Variants in TXNDC12 observed in about 807,000 individuals in gnomAD.
TXNDC12 encodes thioredoxin domain containing 12.
In TXNDC12, 22 loss-of-function variants were observed where a neutral mutation model predicts 24.2. The ratio of observed to expected loss-of-function variants is 0.91; its 90% CI spans 0.65 to 1.30. The LOEUF is 1.30. Ranked by LOEUF, TXNDC12 falls within the 50% of genes most tolerant of loss-of-function variation. The pLI, the probability that TXNDC12 is intolerant of heterozygous loss-of-function variation, is 0.00. For synonymous variants in TXNDC12, 58 were observed against 73.4 expected, an observed-to-expected ratio of 0.79 and a Z score of 1.07; for missense variants, 184 against 205.8, an observed-to-expected ratio of 0.89 and a Z score of 0.65.
At chr1:52,037,207 CT>C (rs34590025) in intron 2 of TXNDC12, among the ~76,000 whole-genome samples, 1,954 of 123,526 alleles carry the variant, frequency 0.016, 15 homozygotes, top group African/African-American at 0.044. Flanking sequence ...AATAGACCAC[CT>C]TTTTTTTTTT....
chr1:52,027,875 C>T (rs1685696413), intron 3 of TXNDC12, among the ~76,000 whole-genome samples: 2 of 151,864 alleles, frequency 1.3e-5, no homozygotes, highest in East Asian at 1.9e-4. Flanking sequence ...CTCTGTCACC[C>T]AGGCTGGAGT....
At chr1:52,022,731 C>T (rs948934944) in intron 6 of TXNDC12, among the ~76,000 whole-genome samples, 15 of 149,940 alleles carry the variant, frequency 1.0e-4, no homozygotes, top group African/African-American at 3.7e-4. Context: ...ACCTCTGCCT[C>T]TCGGGTTCAC....
chr1:52,025,570 AC>A (rs1333596861), intron 4 of TXNDC12, among the ~76,000 whole-genome samples: 1 of 152,130 alleles, frequency 6.6e-6, no homozygotes, highest in African/African-American at 2.4e-5. Context: ...CTCTATGAAG[AC>A]GTTTTTACTG....
At chr1:52,050,218 G>T (rs1467415677) in intron 1 of TXNDC12, among the ~76,000 whole-genome samples, 1 of 152,102 alleles carries the variant, frequency 6.6e-6, no homozygotes, top group African/African-American at 2.4e-5. Context: ...TGGGCCTTTT[G>T]TTTCCCTCTC....
intron 3 of TXNDC12, among the ~76,000 whole-genome samples, chr1:52,027,700 ATATG>A (rs1463540823): frequency 1.3e-5 from 2 of 151,248 alleles, no homozygotes; most frequent in East Asian, 3.9e-4. Context: ...CCACACGTGT[ATATG>A]TGTGTGTATA....
At chr1:52,022,065 C>A (rs1268888694) in intron 6 of TXNDC12, among the ~76,000 whole-genome samples, 1 of 152,148 alleles carries the variant, frequency 6.6e-6, no homozygotes, top group Non-Finnish European at 1.5e-5. Context: ...CCTTTGATAC[C>A]AATCTCCAGT....
intron 2 of TXNDC12, among the ~76,000 whole-genome samples, chr1:52,036,433 C>T (rs1034273281): frequency 3.0e-4 from 45 of 152,200 alleles, no homozygotes; most frequent in African/African-American, 1.0e-3. Context: ...TGTCTTCACA[C>T]TGAGTAGGCT....
chr1:52,046,864 AAAATATAT>A lies in TXNDC12; in HGVS notation c.98-5275_98-5268del, dbSNP rs1464988487. On this transcript the variant is annotated intron_variant, in intron 1 of 6. Coordinates refer to ENST00000371626, the MANE Select transcript of TXNDC12 (RefSeq NM_015913.4). ...AACCCCATCTCTACTAAAAAAAAAA[AAAATATAT>A]ATATATATATATATATATATATTAG... Among the ~76,000 whole-genome samples, 255 of 34,172 alleles carry A rather than the reference AAAATATAT, an allele frequency of 7.5e-3. 3 individuals are homozygous for A. Among genetic ancestry groups the A allele is most frequent in the African/African-American group, 0.016 (209 of 13,450 alleles). The allele number at this position is 34,172 out of a possible 152,430, so 22.4% of individuals were successfully genotyped here.
intron 2 of TXNDC12, among the ~76,000 whole-genome samples, chr1:52,041,314 G>A (rs578088352): frequency 1.3e-5 from 2 of 150,652 alleles, no homozygotes; most frequent in Admixed American, 6.6e-5. Context: ...GCCTGGGCGA[G>A]AGAGTGAGAC....
At chr1:52,054,224 A>G (rs1341962764) in intron 1 of TXNDC12, among the ~76,000 whole-genome samples, 2 of 152,058 alleles carry the variant, frequency 1.3e-5, no homozygotes, top group Non-Finnish European at 2.9e-5. Context: ...GTGAAAAAAA[A>G]AAAAGGAAGA....
intron 3 of TXNDC12, among the ~76,000 whole-genome samples, chr1:52,027,744 T>A (rs994301565): frequency 2.0e-5 from 3 of 149,200 alleles, no homozygotes; most frequent in Non-Finnish European, 4.5e-5. Flanking sequence ...ATATGTTATA[T>A]ATACATATAT....
At chr1:52,047,222 T>A (rs938599047) in intron 1 of TXNDC12, among the ~76,000 whole-genome samples, 1 of 152,102 alleles carries the variant, frequency 6.6e-6, no homozygotes, top group Non-Finnish European at 1.5e-5. Flanking sequence ...TTGCTAGGAA[T>A]AATGATGGTT....
chr1:52,055,021 C>A lies in TXNDC12; in HGVS notation c.76G>T (p.Gly26Ter), dbSNP rs745396636. 9.3e-6 allele frequency: 15 copies of A among 1,613,784 alleles called. No homozygotes were observed. Among genetic ancestry groups the A allele is most frequent in the Non-Finnish European group, 1.3e-5 (15 of 1,179,872 alleles). Residue 26 changes from glycine to a stop codon, truncating the protein, a stop_gained, in exon 1 of 7, where the codon GGA (glycine) becomes TGA (stop). Coordinates refer to ENST00000371626, the MANE Select transcript of TXNDC12 (RefSeq NM_015913.4). LOFTEE classifies it high-confidence loss of function. ...TGACCCTTTCCAAGCCCATTATGTC[C>A]ATCAGAAGAGATGACGAGGAGCAGG... is the stretch of plus-strand genomic sequence containing the variant. Reference protein sequence around the residue: ...SFLLLVISSDGHNGLGKGFGD... With the variant: ...SFLLLVISSD
intron 1 of TXNDC12, among the ~76,000 whole-genome samples, chr1:52,043,162 C>A (rs549031009): frequency 6.6e-6 from 1 of 152,342 alleles, no homozygotes; most frequent in African/African-American, 2.4e-5. Flanking sequence ...ACCTCCAACT[C>A]ATTCTTCAGG....
chr1:52,033,780 T>C (rs1685829588), intron 2 of TXNDC12: 1 of 1,553,852 alleles, frequency 6.4e-7, no homozygotes, highest in Admixed American at 1.9e-5. Context: ...GGAGCGACCA[T>C]TGGCAACCGC....
At position 52,020,856 on chromosome 1, in the gene TXNDC12, A is replaced by G; in HGVS notation, c.*77T>C. ...TTCCTGGTCGGCTTAATTGTTCTAG[A>G]TGATTCCTCAATATTCCCTTCCCTG... On this transcript the variant is annotated 3_prime_UTR_variant, in exon 7 of 7. Transcript: ENST00000371626. 1 of 1,264,756 alleles carries G rather than the reference A, an allele frequency of 7.9e-7. No individual in the cohort carries two copies. Among genetic ancestry groups the G allele is most frequent in the East Asian group, 2.3e-5 (1 of 42,652 alleles). 78.3% of individuals were successfully genotyped at this position (1,264,756 alleles called of 1,614,324 possible).
intron 2 of TXNDC12, among the ~76,000 whole-genome samples, chr1:52,036,030 TGA>T (rs1054143287): frequency 7.9e-5 from 12 of 152,288 alleles, no homozygotes; most frequent in East Asian, 1.9e-4. Flanking sequence ...AAAGTTGTTG[TGA>T]GAGTTAAATG....
intron 2 of TXNDC12, among the ~76,000 whole-genome samples, chr1:52,038,897 TTTTC>T (rs1685933536): frequency 1.1e-5 from 1 of 93,728 alleles, no homozygotes; most frequent in African/African-American, 3.6e-5. Context: ...TTTTTTTTCT[TTTTC>T]TGTTTTTTTT....
At chr1:52,028,520 A>C in intron 3 of TXNDC12, 58 bp downstream of exon 3, 1 of 1,395,530 alleles carries the variant, frequency 7.2e-7, no homozygotes, top group South Asian at 1.2e-5. Flanking sequence ...TATTTGTTAA[A>C]TGTTAATATT....
Sources: gnomAD v4.1 joint callset for allele counts (sites outside exome capture counted in the v4.1 genomes callset) on GRCh38, gnomAD v4.1.1 for gene constraint, MANE v1.5 for transcripts, NCBI Gene and HGNC (gene_info 2026-07-23, HGNC 2026-07-21) for gene names.